Variants in BAD observed in about 807,000 individuals in gnomAD.
BAD encodes the protein bcl2-associated agonist of cell death.
In BAD, 18 loss-of-function variants were observed where a neutral mutation model predicts 17.8. The observed-to-expected ratio is 1.01, with a 90% CI of 0.70 to 1.50. The LOEUF is 1.50. BAD is among the 40% of genes most tolerant of loss of function. BAD has a pLI of 0.00. For missense variants in BAD, 294 were observed against 239.3 expected (o/e 1.23, Z -1.51); for synonymous variants, 112 against 91.5 (o/e 1.22, Z -1.28).
chr11:64,279,282 C>T (rs960402280), intron 2 of BAD, among the ~76,000 whole-genome samples: 8 of 152,134 alleles, frequency 5.3e-5, no homozygotes, highest in East Asian at 3.9e-4. Context: ...AACGATGCTG[C>T]GGCTTCCCAG....
rs1405832074 is a variant in BAD, at chr11:64,284,319, G to A, written c.50C>T (p.Ser17Phe). The change falls in exon 2 of 4, where the codon TCT (serine) becomes TTT (phenylalanine). Residue 17 changes from serine (S) to phenylalanine (F), a missense_variant. Ser to Phe is a radical substitution (Grantham distance 155, BLOSUM62 -2). Transcript: ENST00000309032. The stretch of plus-strand genomic sequence containing the variant: ...GCTGGGGCCCAGGCCCCTCTCTGCA[G>A]AGCTGGAGTCTTCCTGCTCACTCGG... The part of the protein sequence containing the change: ...FEPSEQEDSS[S>F]AERGLGPSPA... 6.2e-7 allele frequency: 1 copy of A among 1,612,742 alleles called. No individual in the cohort carries two copies. The highest frequency in any genetic ancestry group is 1.7e-5 in the Admixed American group (1 of 60,036).
chr11:64,283,777 C>A (rs2033643080), intron 2 of BAD, among the ~76,000 whole-genome samples: 1 of 152,156 alleles, frequency 6.6e-6, no homozygotes, highest in South Asian at 2.1e-4. Context: ...TCTGTCCTAA[C>A]CCCACACTAA....
rs977264989 is a variant in BAD, at chr11:64,283,084, A to G, written c.187+1098T>C. ...AAAACAAAACAAACAGAAAAAAAGA[A>G]AGCAAGCTATGGGGTCCAATCTGAG... On this transcript the variant is annotated intron_variant, in intron 2 of 3. Coordinates refer to ENST00000309032, the MANE Select transcript of BAD (RefSeq NM_032989.3). Among the ~76,000 whole-genome samples the G allele has an allele frequency of 5.9e-5, 9 of 152,186 alleles. No homozygotes were observed. In the East Asian group the frequency reaches 7.7e-4, roughly 13 times the overall value.
At chr11:64,284,068 G>A in intron 2 of BAD, 114 bp downstream of exon 2, 1 of 1,291,618 alleles carries the variant, frequency 7.7e-7, no homozygotes, top group Non-Finnish European at 1.1e-6. Flanking sequence ...CTGGGGCTCT[G>A]AGAGTTTGGG....
In BAD at chr11:64,270,292, G is replaced by C; in HGVS notation, c.424C>G (p.Arg142Gly). 2 of 1,584,020 alleles carry C rather than the reference G, an allele frequency of 1.3e-6. No individual in the cohort carries two copies. Among genetic ancestry groups the C allele is most frequent in the Non-Finnish European group, 1.7e-6 (2 of 1,159,430 alleles). ...ACTCGCGTCCAGCTGGAGCTTTGCCGCATCTGCGTTGCTGTGCCCGCGCTC... is the reference window on the plus strand; with the variant it reads ...ACTCGCGTCCAGCTGGAGCTTTGCCCCATCTGCGTTGCTGTGCCCGCGCTC... ...PKSAGTATQM[R>G]QSSSWTRVFQ... Residue 142 changes from arginine to glycine, a missense_variant, in exon 4 of 4, where the codon CGG (arginine) becomes GGG (glycine). Coordinates refer to ENST00000309032, the MANE Select transcript of BAD (RefSeq NM_032989.3).
At chr11:64,281,217 C>G (rs545112206) in intron 2 of BAD, among the ~76,000 whole-genome samples, 1 of 152,202 alleles carries the variant, frequency 6.6e-6, no homozygotes, top group Non-Finnish European at 1.5e-5. Context: ...CTGCCCACCT[C>G]GAACTACCAA....
In BAD at chr11:64,269,858, T is replaced by C. The variant is rs2032372037; in HGVS notation, c.*351A>G. 1 of 696,666 alleles carries C rather than the reference T, an allele frequency of 1.4e-6. No individual in the cohort carries two copies. Among genetic ancestry groups the C allele is most frequent in the South Asian group, 1.5e-5 (1 of 66,602 alleles). The allele number at this position is 696,666 out of a possible 1,614,324, so 43.2% of individuals were successfully genotyped here. A position where few individuals can be genotyped will look rare whatever the true frequency, so the allele number is the denominator to read the frequency against. On this transcript the variant is annotated 3_prime_UTR_variant, in exon 4 of 4. Coordinates refer to ENST00000309032, the MANE Select transcript of BAD (RefSeq NM_032989.3). ...GGCACAGACGCGGGCTTTATTAACA[T>C]TTGGTAGTGAGCACGGCCCCCAGGG...
chr11:64,280,045 C>T (rs918005371), intron 2 of BAD, among the ~76,000 whole-genome samples: 10 of 151,712 alleles, frequency 6.6e-5, no homozygotes, highest in Non-Finnish European at 1.2e-4. Context: ...TGGCCAGGCG[C>T]GGTGGCTCAC....
In BAD at chr11:64,278,871, G is replaced by A. The variant is rs533075761; in HGVS notation, c.187+5311C>T. 1.8e-4 allele frequency among the ~76,000 whole-genome samples: 27 copies of A among 152,356 alleles called. No individual in the cohort carries two copies. The South Asian group carries it at 5.4e-3, about 30-fold the overall frequency. On this transcript the variant is annotated intron_variant, in intron 2 of 3. Coordinates refer to ENST00000309032, the MANE Select transcript of BAD (RefSeq NM_032989.3). ...CGCAGGTAGAGAGGGCAGAGGCCCC[G>A]TGGCTCTGGCGGGGCACTGGCACTT...
chr11:64,279,532 T>C (rs1234730170), intron 2 of BAD, among the ~76,000 whole-genome samples: 15 of 151,090 alleles, frequency 9.9e-5, no homozygotes, highest in Non-Finnish European at 1.9e-4. Flanking sequence ...TTTGGGAGGC[T>C]GAGGCGGGTG....
intron 2 of BAD, among the ~76,000 whole-genome samples, chr11:64,275,009 A>C (rs1192922110): frequency 6.6e-6 from 1 of 150,470 alleles, no homozygotes; most frequent in Non-Finnish European, 1.5e-5. Context: ...AAAAAAAAAA[A>C]AAAAAAGCGA....
In BAD at chr11:64,284,622, A is replaced by C. The variant is rs1285111691; in HGVS notation, c.-9+9T>G. ...CGCCCCGCCCGTGGTGACGGCGCAC[A>C]GGTCTCACCCCAAGCCCGATCTCGA... On this transcript the variant is annotated intron_variant, in intron 1 of 3. Coordinates refer to ENST00000309032, the MANE Select transcript of BAD (RefSeq NM_032989.3). 2 of 1,511,940 alleles carry C rather than the reference A, an allele frequency of 1.3e-6. No individual in the cohort carries two copies. Among genetic ancestry groups the C allele is most frequent in the African/African-American group, 2.8e-5 (2 of 71,844 alleles). 93.7% of individuals were successfully genotyped at this position (1,511,940 alleles called of 1,614,324 possible).
At chr11:64,281,568 G>T (rs1032610587) in intron 2 of BAD, among the ~76,000 whole-genome samples, 4 of 152,196 alleles carry the variant, frequency 2.6e-5, no homozygotes, top group African/African-American at 4.8e-5. Flanking sequence ...GCCAGGAGCA[G>T]GTGTTGCCCT....
chr11:64,282,736 C>T (rs1018268469), intron 2 of BAD, among the ~76,000 whole-genome samples: 1 of 150,432 alleles, frequency 6.6e-6, no homozygotes, highest in Non-Finnish European at 1.5e-5. Context: ...GAAATTAGCC[C>T]GGCATGGTGA....
intron 2 of BAD, chr11:64,277,092 G>A: frequency 1.5e-6 from 1 of 683,464 alleles, no homozygotes; most frequent in Non-Finnish European, 2.7e-6. Flanking sequence ...CAAGACACTT[G>A]CACACTGAAT....
intron 2 of BAD, chr11:64,276,972 C>T (rs1170735660): frequency 1.3e-6 from 1 of 740,764 alleles, no homozygotes; most frequent in Non-Finnish European, 2.5e-6. Flanking sequence ...CCTGCTGATG[C>T]TTCCGCGAGC....
At position 64,284,349 on chromosome 11, in the gene BAD, A is replaced by G. The variant is rs1243266561; in HGVS notation, c.20T>C (p.Phe7Ser). Residue 7 changes from phenylalanine to serine, a missense_variant, in exon 2 of 4, where the codon TTT (phenylalanine) becomes TCT (serine). By Grantham distance (155) the Phe-to-Ser change is radical. Coordinates refer to ENST00000309032, the MANE Select transcript of BAD (RefSeq NM_032989.3). Reference protein sequence around the residue: MFQIPEFEPSEQEDSSS... With the variant: MFQIPESEPSEQEDSSS... ...GGAGTCTTCCTGCTCACTCGGCTCA[A>G]ACTCTGGGATCTGGAACATGCTCTG... 1 of 1,612,880 alleles carries G rather than the reference A, an allele frequency of 6.2e-7. No homozygotes were observed. Among genetic ancestry groups the G allele is most frequent in the Non-Finnish European group, 8.5e-7 (1 of 1,179,970 alleles).
At chr11:64,275,253 G>A (rs1456911283) in intron 2 of BAD, among the ~76,000 whole-genome samples, 1 of 151,990 alleles carries the variant, frequency 6.6e-6, no homozygotes, top group African/African-American at 2.4e-5. Flanking sequence ...CAGCACCTTG[G>A]GAGGCTGAAG....
At chr11:64,280,643 G>A (rs557479854) in intron 2 of BAD, among the ~76,000 whole-genome samples, 3 of 148,706 alleles carry the variant, frequency 2.0e-5, no homozygotes, top group Admixed American at 6.7e-5. Context: ...GAGCCACCGC[G>A]CCTGGCCTAA....
Sources: allele counts gnomAD v4.1 joint callset (sites outside exome capture counted in the v4.1 genomes callset), GRCh38; gene constraint gnomAD v4.1.1; transcripts MANE v1.5; gene names NCBI Gene and HGNC (gene_info 2026-07-23, HGNC 2026-07-21).